The following SYNE2 variants were observed in gnomAD, a reference collection of about 807,000 sequenced individuals.
SYNE2 encodes the protein spectrin repeat containing nuclear envelope protein 2.
In SYNE2, 431 loss-of-function variants were observed where a neutral mutation model predicts 856.3. The ratio of observed to expected loss-of-function variants is 0.50; its 90% CI spans 0.47 to 0.55. The LOEUF (loss-of-function observed/expected upper bound fraction) is 0.55, where lower values mean the gene tolerates loss of function less well. SYNE2 is among the 20% of genes least tolerant of loss of function. The pLI, the probability that SYNE2 is intolerant of heterozygous loss-of-function variation, is 0.00. For synonymous variants in SYNE2, 2,923 were observed against 2,872.3 expected (o/e 1.02, Z -0.56); for missense variants, 8,129 against 8,023.2 (o/e 1.01, Z -0.50).
intron 1 of SYNE2, among the ~76,000 whole-genome samples, chr14:63,827,611 T>C (rs1171197238): frequency 9.6e-4 from 47 of 48,982 alleles, no homozygotes; most frequent in African/African-American, 3.2e-3. Flanking sequence ...GGCAACAAGA[T>C]TGAAACTCTG....
Position 64,173,934 on chromosome 14 carries a change from T to TA in SYNE2, c.17236-1004dup, listed in dbSNP as rs1388207154. 4 of 697,694 alleles carry TA rather than the reference T, an allele frequency of 5.7e-6. No homozygotes were observed. The Admixed American group carries it at 6.1e-5, about 11-fold the overall frequency. The allele number at this position is 697,694 out of a possible 1,614,324, so 43.2% of individuals were successfully genotyped here. Reference sequence around the variant, plus strand: ...TAGCCAGGTGTGGTGGCGCATCTCTTAAAAAACAGGACCTTCGCTACTCTC... The same window carrying TA: ...TAGCCAGGTGTGGTGGCGCATCTCTTAAAAAAACAGGACCTTCGCTACTCTC... On this transcript the variant is annotated intron_variant, in intron 94 of 115. Coordinates refer to ENST00000555002, the MANE Select transcript of SYNE2 (RefSeq NM_182914.3).
chr14:64,137,932 A>C lies in SYNE2; in HGVS notation c.14792A>C (p.Lys4931Thr), dbSNP rs147640636. ...LEEQWLSLNKKIDHELHRLQA... is the reference protein window; with the variant it reads ...LEEQWLSLNKTIDHELHRLQA... ...GAGCAGTGGTTGTCCCTGAACAAGA[A>C]AATTGACCATGAGCTCCACAGGCTG... Residue 4931 changes from lysine (K) to threonine (T), a missense_variant, in exon 79 of 116, where the codon AAA (lysine) becomes ACA (threonine). Lys to Thr is a moderately conservative substitution (Grantham distance 78). Transcript: ENST00000555002. The C allele has an allele frequency of 1.3e-5, 21 of 1,614,032 alleles. No homozygotes were observed. The South Asian group carries it at 2.3e-4, about 18-fold the overall frequency.
intron 57 of SYNE2, among the ~76,000 whole-genome samples, chr14:64,083,357 G>T (rs2097537948): frequency 1.3e-5 from 2 of 150,576 alleles, no homozygotes; most frequent in Admixed American, 1.3e-4. Flanking sequence ...CAAGACAAGA[G>T]AGAGGAATGA....
At chr14:63,950,077 A>C in intron 7 of SYNE2, 71 bp downstream of exon 7, 2 of 1,478,462 alleles carry the variant, frequency 1.4e-6, no homozygotes, top group Non-Finnish European at 1.9e-6. Flanking sequence ...TCACCACCCA[A>C]ACACCTCCCT....
At chr14:63,892,302 A>G (rs531910561) in intron 1 of SYNE2, among the ~76,000 whole-genome samples, 4 of 152,190 alleles carry the variant, frequency 2.6e-5, no homozygotes, top group African/African-American at 9.6e-5. Context: ...CTGTACTTGA[A>G]ACCATTTTGA....
At chr14:64,125,610 G>A (rs2097937163) in intron 71 of SYNE2, among the ~76,000 whole-genome samples, 1 of 152,178 alleles carries the variant, frequency 6.6e-6, no homozygotes, top group Non-Finnish European at 1.5e-5. Context: ...GTAGGAGACA[G>A]GGCCCAAGTT....
intron 2 of SYNE2, among the ~76,000 whole-genome samples, chr14:63,928,883 G>T (rs75459321): frequency 2.0e-5 from 3 of 152,042 alleles, no homozygotes; most frequent in African/African-American, 7.2e-5. Context: ...ATTGTTGTGG[G>T]GAATGGCAAC....
intron 100 of SYNE2, among the ~76,000 whole-genome samples, chr14:64,207,341 A>T (rs1336979091): frequency 6.6e-6 from 1 of 152,124 alleles, no homozygotes; most frequent in East Asian, 1.9e-4. Flanking sequence ...TTGGGAGGCC[A>T]AGGAGGGTGG....
intron 43 of SYNE2, among the ~76,000 whole-genome samples, chr14:64,029,257 A>G (rs527907759): frequency 8.5e-5 from 13 of 152,224 alleles, no homozygotes; most frequent in Non-Finnish European, 1.8e-4. Flanking sequence ...TTGCCTGGGT[A>G]AGAAATCCTG....
intron 103 of SYNE2, among the ~76,000 whole-genome samples, chr14:64,211,571 G>A (rs1264234969): frequency 6.6e-6 from 1 of 152,246 alleles, no homozygotes; most frequent in Non-Finnish European, 1.5e-5. Flanking sequence ...GAAGGCCAAT[G>A]TGTAAAACAG....
In SYNE2 at chr14:64,100,514, C is replaced by CAAAAAAAAAAAAA. The variant is rs35489245; in HGVS notation, c.12382-1412_12382-1400dup. ...CTGGGTGACAAGAGCAAAACTGTCT[C>CAAAAAAAAAAAAA]AAAAAAAAAAAAAAAAAATATATAT... On this transcript the variant is annotated intron_variant, in intron 63 of 115. Coordinates refer to ENST00000555002, the MANE Select transcript of SYNE2 (RefSeq NM_182914.3). Among the ~76,000 whole-genome samples, 14 of 23,762 alleles carry CAAAAAAAAAAAAA rather than the reference C, an allele frequency of 5.9e-4. 1 individual carries two copies. The highest frequency in any genetic ancestry group is 5.6e-3 in the Admixed American group (8 of 1,432). The allele number at this position is 23,762 out of a possible 152,430, so 15.6% of individuals were successfully genotyped here. A position where few individuals can be genotyped will look rare whatever the true frequency, so the allele number is the denominator to read the frequency against.
At chr14:64,026,453 GAA>G in intron 41 of SYNE2, 124 bp from the exon 42 acceptor site, 1 of 750,514 alleles carries the variant, frequency 1.3e-6, no homozygotes, top group East Asian at 2.7e-5. Context: ...ATATAAAAAT[GAA>G]AAGATTATGT....
At chr14:63,828,411 G>A (rs1448598233) in intron 1 of SYNE2, among the ~76,000 whole-genome samples, 2 of 151,852 alleles carry the variant, frequency 1.3e-5, no homozygotes, top group African/African-American at 4.8e-5. Context: ...AGGCTGAGGC[G>A]GGTGGATCAC....
intron 1 of SYNE2, among the ~76,000 whole-genome samples, chr14:63,880,681 T>TA (rs1263618252): frequency 1.3e-5 from 2 of 150,342 alleles, no homozygotes; most frequent in African/African-American, 4.9e-5. Context: ...ATTTTTTTTT[T>TA]TTTTTTTTTA....
At chr14:63,790,034 G>A (rs1467072445) in intron 1 of SYNE2, among the ~76,000 whole-genome samples, 1 of 152,122 alleles carries the variant, frequency 6.6e-6, no homozygotes, top group Non-Finnish European at 1.5e-5. Context: ...AGCTCAAGAG[G>A]AAGTTTAAGT....
intron 45 of SYNE2, among the ~76,000 whole-genome samples, chr14:64,033,234 CA>C (rs1298855420): frequency 6.6e-6 from 1 of 152,106 alleles, no homozygotes; most frequent in African/African-American, 2.4e-5. Flanking sequence ...ATAGGCTGTA[CA>C]AAAGGGCACA....
At chr14:63,955,011 C>A in intron 8 of SYNE2, 96 bp downstream of exon 8, 1 of 1,003,732 alleles carries the variant, frequency 1.0e-6, no homozygotes. Context: ...TAGTGGCACT[C>A]TATTTTAGTC....
chr14:64,091,797 A>G (rs186629900), intron 60 of SYNE2, among the ~76,000 whole-genome samples: 9 of 152,320 alleles, frequency 5.9e-5, no homozygotes, highest in Non-Finnish European at 1.3e-4. Flanking sequence ...CAGACTTCCA[A>G]CCGTCTCCGT....
intron 1 of SYNE2, among the ~76,000 whole-genome samples, chr14:63,790,590 T>C (rs1887698112): frequency 1.3e-5 from 2 of 152,264 alleles, no homozygotes; most frequent in South Asian, 4.1e-4. Flanking sequence ...GAACACCTTG[T>C]AGAGGAGCAT....
Sources: gnomAD v4.1 joint callset for allele counts (sites outside exome capture counted in the v4.1 genomes callset) on GRCh38, gnomAD v4.1.1 for gene constraint, MANE v1.5 for transcripts, NCBI Gene and HGNC (gene_info 2026-07-23, HGNC 2026-07-21) for gene names.